The following STPG2 variants were observed in gnomAD, a reference collection of about 807,000 sequenced individuals.
STPG2 encodes the protein sperm-tail PG-rich repeat-containing protein 2.
Under a neutral mutation model 54.2 loss-of-function variants are expected in STPG2, and 56 were observed. The ratio of observed to expected loss-of-function variants is 1.03; its 90% confidence interval spans 0.83 to 1.29. STPG2 has a LOEUF of 1.29. Among genes scored for constraint, STPG2 ranks in the 50% most tolerant of loss-of-function variants. The pLI, the probability that STPG2 is intolerant of heterozygous loss-of-function variation, is 0.00. For synonymous variants in STPG2, 200 were observed against 181.8 expected (o/e 1.10, Z -0.81); for missense variants, 596 against 544.9 (o/e 1.09, Z -0.93).
rs532969292 is a variant in STPG2, at chr4:98,067,749, G to T, written c.612+38204C>A. Among the ~76,000 whole-genome samples the T allele has an allele frequency of 9.2e-5, 14 of 152,240 alleles. No homozygotes were observed. In the South Asian group the frequency reaches 2.7e-3, roughly 29 times the overall value. ...TGTTTTTTAAAGGTTTCAACAATAA[G>T]CACTGAAACAAAAGCAGTTTTCTGA... On this transcript the variant is annotated intron_variant, in intron 5 of 10. Coordinates refer to ENST00000295268, the MANE Select transcript of STPG2 (RefSeq NM_174952.3).
intron 8 of STPG2, among the ~76,000 whole-genome samples, chr4:97,938,698 G>A (rs1402444133): frequency 6.6e-6 from 1 of 152,188 alleles, no homozygotes; most frequent in East Asian, 1.9e-4. Flanking sequence ...CCCTTGGCTG[G>A]TGCTGGAGGT....
At chr4:97,675,953 T>C (rs974113081) in intron 10 of STPG2, among the ~76,000 whole-genome samples, 1 of 146,448 alleles carries the variant, frequency 6.8e-6, no homozygotes, top group Non-Finnish European at 1.5e-5. Context: ...ATATAGTATA[T>C]ATAGTATACT....
intron 10 of STPG2, among the ~76,000 whole-genome samples, chr4:97,687,308 T>C (rs1383985774): frequency 2.1e-5 from 3 of 140,874 alleles, no homozygotes; most frequent in African/African-American, 8.2e-5. Flanking sequence ...AGTACAAGTG[T>C]ATGCACTGAA....
intron 9 of STPG2, among the ~76,000 whole-genome samples, chr4:97,776,810 T>C (rs889031409): frequency 3.3e-5 from 5 of 152,186 alleles, no homozygotes; most frequent in Non-Finnish European, 5.9e-5. Flanking sequence ...TCTCCAAAAC[T>C]AGAAAATGTT....
chr4:98,055,518 C>A (rs756704226), intron 5 of STPG2, among the ~76,000 whole-genome samples: 59 of 152,146 alleles, frequency 3.9e-4, no homozygotes, highest in Non-Finnish European at 8.8e-5. Flanking sequence ...TGGCAAGGAG[C>A]AACCCACTCT....
chr4:97,923,135 T>G lies in STPG2; in HGVS notation c.1044+20762A>C, dbSNP rs2149211481. 2.0e-5 allele frequency among the ~76,000 whole-genome samples: 3 copies of G among 152,382 alleles called. No individual in the cohort carries two copies. The South Asian group carries it at 6.2e-4, about 32-fold the overall frequency. ...GCTCACTCTTGGCACCTCCTCGGCC[T>G]GGGCGCCCACTCTGGCCATGCTTGA... On this transcript the variant is annotated intron_variant, in intron 8 of 10. Coordinates refer to ENST00000295268, the MANE Select transcript of STPG2 (RefSeq NM_174952.3).
intron 8 of STPG2, among the ~76,000 whole-genome samples, chr4:97,906,496 A>C (rs1482767109): frequency 2.0e-5 from 3 of 152,164 alleles, no homozygotes; most frequent in Non-Finnish European, 2.9e-5. Flanking sequence ...AAAAGAGAGA[A>C]TCCTCCCTAA....
chr4:97,771,646 G>A (rs1726223835), intron 9 of STPG2, among the ~76,000 whole-genome samples: 1 of 152,196 alleles, frequency 6.6e-6, no homozygotes, highest in Non-Finnish European at 1.5e-5. Flanking sequence ...CCCATGAGGT[G>A]AGCCACTGCC....
intron 10 of STPG2, among the ~76,000 whole-genome samples, chr4:97,581,586 CTA>C (rs1237039266): frequency 2.0e-5 from 3 of 151,994 alleles, no homozygotes; most frequent in African/African-American, 7.3e-5. Flanking sequence ...ACTATAAAGT[CTA>C]AATATCTAGC....
chr4:97,933,090 G>A (rs1462630229), intron 8 of STPG2, among the ~76,000 whole-genome samples: 1 of 151,756 alleles, frequency 6.6e-6, no homozygotes, highest in Non-Finnish European at 1.5e-5. Flanking sequence ...TCTTATTGTG[G>A]TTTTGATTTG....
intron 9 of STPG2, among the ~76,000 whole-genome samples, chr4:97,740,149 C>G (rs1013558292): frequency 1.8e-4 from 28 of 152,138 alleles, no homozygotes; most frequent in Non-Finnish European, 3.5e-4. Context: ...AAAGGCCTTT[C>G]ACAAAATTCA....
At chr4:97,841,949 C>CA (rs1168150822) in intron 8 of STPG2, among the ~76,000 whole-genome samples, 1 of 151,710 alleles carries the variant, frequency 6.6e-6, no homozygotes, top group Non-Finnish European at 1.5e-5. Flanking sequence ...AATTTCAATG[C>CA]AAAAACAAAG....
intron 2 of STPG2, among the ~76,000 whole-genome samples, chr4:98,131,190 G>GTCTT (rs749531122): frequency 2.4e-4 from 37 of 151,918 alleles, no homozygotes; most frequent in Non-Finnish European, 5.0e-4. Context: ...CCTTCTTCAA[G>GTCTT]ATCAGGTCCA....
intron 8 of STPG2, among the ~76,000 whole-genome samples, chr4:97,934,284 T>C (rs1732664132): frequency 1.3e-5 from 2 of 152,230 alleles, no homozygotes; most frequent in African/African-American, 2.4e-5. Context: ...GTTTTCTAGA[T>C]ATAGGATCAT....
At chr4:97,933,952 G>A (rs972629202) in intron 8 of STPG2, among the ~76,000 whole-genome samples, 11 of 152,164 alleles carry the variant, frequency 7.2e-5, no homozygotes, top group African/African-American at 2.4e-4. Flanking sequence ...AATTACTTTG[G>A]GCAGTATGCC....
At chr4:97,937,204 T>A (rs995040383) in intron 8 of STPG2, among the ~76,000 whole-genome samples, 15 of 152,018 alleles carry the variant, frequency 9.9e-5, no homozygotes, top group Non-Finnish European at 2.1e-4. Context: ...ATAAAGTTCT[T>A]GTGGTGTGTT....
chr4:98,063,242 A>G (rs1410568146), intron 5 of STPG2, among the ~76,000 whole-genome samples: 1 of 152,040 alleles, frequency 6.6e-6, no homozygotes, highest in Non-Finnish European at 1.5e-5. Context: ...CAAGGTCAAG[A>G]GATCAAGACC....
At chr4:97,638,973 G>C (rs1003537703) in intron 10 of STPG2, among the ~76,000 whole-genome samples, 1 of 151,052 alleles carries the variant, frequency 6.6e-6, no homozygotes, top group Admixed American at 6.6e-5. Flanking sequence ...AATACCATTT[G>C]ACCCGGCCAT....
At chr4:97,956,046 C>T (rs1228903729) in intron 7 of STPG2, among the ~76,000 whole-genome samples, 4 of 151,704 alleles carry the variant, frequency 2.6e-5, no homozygotes, top group South Asian at 2.1e-4. Context: ...GAATGAAGCA[C>T]AATAGAGAAA....
Sources: allele counts gnomAD v4.1 joint callset (sites outside exome capture counted in the v4.1 genomes callset), GRCh38; gene constraint gnomAD v4.1.1; transcripts MANE v1.5; gene names NCBI Gene and HGNC (gene_info 2026-07-23, HGNC 2026-07-21).